Variants in BEAN1 observed in about 807,000 individuals in gnomAD.
The protein encoded by BEAN1 is protein BEAN1.
BEAN1 carries 17 observed loss-of-function variants against 17.7 expected under a neutral mutation model. The observed-to-expected ratio is 0.96, with a 90% confidence interval of 0.66 to 1.44. The LOEUF (loss-of-function observed/expected upper bound fraction) is 1.44. Ranked by LOEUF, BEAN1 falls within the 40% of genes most tolerant of loss-of-function variation. The probability of loss-of-function intolerance (pLI) is 0.00; values close to 1 mark genes in which losing one functional copy is unlikely to be tolerated. For synonymous variants in BEAN1, 142 were observed against 151.8 expected (o/e 0.94, Z 0.47); for missense variants, 359 against 374.1 (o/e 0.96, Z 0.33).
At chr16:66,484,459 C>T (rs888033172), downstream of BEAN1, 2 of 382,688 alleles carry the variant, frequency 5.2e-6, no homozygotes, top group African/African-American at 4.2e-5. The surrounding 1 kb of genome is among the most constrained non-coding windows in gnomAD (Gnocchi z 4.2). Flanking sequence ...TATGGCACCA[C>T]ATTCAAGGTC....
chr16:66,449,133 G>T (rs1214271886), intron 2 of BEAN1, among the ~76,000 whole-genome samples: 1 of 152,112 alleles, frequency 6.6e-6, no homozygotes, highest in Non-Finnish European at 1.5e-5. Context: ...AATTAGTTTT[G>T]CTTATTTTTG....
chr16:66,491,723 G>C (rs1186036803), intron 4 of BEAN1, among the ~76,000 whole-genome samples: 2 of 152,104 alleles, frequency 1.3e-5, no homozygotes, highest in African/African-American at 4.8e-5. Context: ...TTTTCATAAG[G>C]AGCACGCAAC....
At chr16:66,450,381 C>T (rs192734177) in intron 2 of BEAN1, among the ~76,000 whole-genome samples, 1 of 152,290 alleles carries the variant, frequency 6.6e-6, no homozygotes, top group Admixed American at 6.5e-5. Flanking sequence ...TCTAAGTGTA[C>T]TGCAATAACC....
intron 4 of BEAN1, among the ~76,000 whole-genome samples, chr16:66,478,517 G>T (rs1457761352): frequency 6.6e-6 from 1 of 152,146 alleles, no homozygotes; most frequent in Non-Finnish European, 1.5e-5. Flanking sequence ...CAGGAGAATC[G>T]CTTGAACCCG....
chr16:66,459,324 T>C (rs1008525229), intron 2 of BEAN1, among the ~76,000 whole-genome samples: 9 of 152,132 alleles, frequency 5.9e-5, no homozygotes, highest in African/African-American at 2.2e-4. Context: ...TCTTTTTTTT[T>C]CTTTTTCTCT....
intron 1 of BEAN1, among the ~76,000 whole-genome samples, chr16:66,436,925 C>T (rs1964566943): frequency 6.6e-6 from 1 of 152,018 alleles, no homozygotes; most frequent in Non-Finnish European, 1.5e-5. Context: ...ATACAGATGC[C>T]TTCTAAAGAA....
chr16:66,447,181 G>A (rs970685691), intron 2 of BEAN1, among the ~76,000 whole-genome samples: 1 of 152,158 alleles, frequency 6.6e-6, no homozygotes, highest in African/African-American at 2.4e-5. Context: ...GAGGTAGGAG[G>A]ATGACTTGAG....
In BEAN1 at chr16:66,480,766, G is replaced by A. The variant is rs755130190; in HGVS notation, c.621G>A (p.Thr207=). ...QRTPAQGGLH[T]VSMDTLPPYE... Reference sequence around the variant, plus strand: ...CCCCGGCCCAAGGTGGCCTTCACACGGTCTCCATGGACACCCTTCCCCCCT... The same window carrying A: ...CCCCGGCCCAAGGTGGCCTTCACACAGTCTCCATGGACACCCTTCCCCCCT... The change falls in exon 5 of 5, where the codon ACG becomes ACA. Residue 207 remains threonine, a synonymous_variant. Transcript: ENST00000536005. The A allele has an allele frequency of 4.1e-5, 63 of 1,551,202 alleles. No homozygotes were observed. The highest frequency in any genetic ancestry group is 1.7e-4 in the Middle Eastern group (1 of 6,006).
chr16:66,431,063 C>T (rs1961777999), intron 1 of BEAN1, among the ~76,000 whole-genome samples: 1 of 152,112 alleles, frequency 6.6e-6, no homozygotes, highest in Non-Finnish European at 1.5e-5. Context: ...TATTATTTTT[C>T]TAGTATTATA....
intron 2 of BEAN1, 163 bp downstream of exon 2, chr16:66,437,864 C>G: frequency 1.1e-6 from 1 of 895,670 alleles, no homozygotes. Flanking sequence ...CACGGAAGAC[C>G]CCTGACGTCT....
At chr16:66,464,022 C>G (rs1357892349) in intron 2 of BEAN1, among the ~76,000 whole-genome samples, 2 of 152,178 alleles carry the variant, frequency 1.3e-5, no homozygotes, top group East Asian at 3.9e-4. Flanking sequence ...CTATCTTGAT[C>G]ATAGTAGCTC....
chr16:66,460,996 G>T (rs1359050844), intron 2 of BEAN1, among the ~76,000 whole-genome samples: 1 of 152,170 alleles, frequency 6.6e-6, no homozygotes, highest in Non-Finnish European at 1.5e-5. Context: ...AATACAGTAG[G>T]TGCTCAGGAG....
intron 2 of BEAN1, among the ~76,000 whole-genome samples, chr16:66,441,330 C>T (rs1031106475): frequency 1.3e-5 from 2 of 152,156 alleles, no homozygotes; most frequent in Non-Finnish European, 1.5e-5. Context: ...CCAAAACAGA[C>T]ATAGGAACAC....
At chr16:66,440,237 C>T (rs191449819) in intron 2 of BEAN1, among the ~76,000 whole-genome samples, 1 of 149,498 alleles carries the variant, frequency 6.7e-6, no homozygotes, top group African/African-American at 2.5e-5. Context: ...TCAAGCGATT[C>T]TCCTGACTCA....
intron 2 of BEAN1, among the ~76,000 whole-genome samples, chr16:66,458,561 C>T (rs57111236): frequency 0.021 from 2,963 of 141,910 alleles, 50 homozygotes; most frequent in South Asian, 0.075. Flanking sequence ...CCCAGTTCTC[C>T]GGCCCCCACC....
At chr16:66,447,683 T>C (rs1684039180) in intron 2 of BEAN1, among the ~76,000 whole-genome samples, 1 of 152,132 alleles carries the variant, frequency 6.6e-6, no homozygotes, top group Non-Finnish European at 1.5e-5. Context: ...CCTGACCCCA[T>C]CACCAACACC....
At chr16:66,445,475 C>CAAAAAAAAAAAAAAAAAAAA (rs61540693) in intron 2 of BEAN1, among the ~76,000 whole-genome samples, 1 of 49,304 alleles carries the variant, frequency 2.0e-5, no homozygotes. Context: ...GACTCCGTCT[C>CAAAAAAAAAAAAAAAAAAAA]AAAAAAAAAA....
intron 4 of BEAN1, among the ~76,000 whole-genome samples, chr16:66,478,578 A>G (rs1399607245): frequency 6.6e-6 from 1 of 152,182 alleles, no homozygotes; most frequent in African/African-American, 2.4e-5. Context: ...CTCCAGCCTT[A>G]GCGACAGAGT....
At chr16:66,453,319 TTG>T (rs1364822706) in intron 2 of BEAN1, among the ~76,000 whole-genome samples, 32 of 151,720 alleles carry the variant, frequency 2.1e-4, no homozygotes, top group African/African-American at 6.6e-4. Context: ...TGATACTATG[TTG>T]TGTTTTTTTT....
Sources: gnomAD v4.1 joint callset for allele counts (sites outside exome capture counted in the v4.1 genomes callset) on GRCh38, gnomAD v4.1.1 for gene constraint, Gnocchi (gnomAD v3.1) non-coding constraint, MANE v1.5 for transcripts, NCBI Gene and HGNC (gene_info 2026-07-23, HGNC 2026-07-21) for gene names.